Variants in DOCK9 observed in about 807,000 individuals in gnomAD.
The protein encoded by DOCK9 is dedicator of cytokinesis protein 9.
In DOCK9, 89 loss-of-function variants were observed where a neutral mutation model predicts 263.3. The ratio of observed to expected loss-of-function variants is 0.34; its 90% CI spans 0.28 to 0.40. DOCK9 has a LOEUF of 0.40. Among genes scored for constraint, DOCK9 ranks in the 10% least tolerant of loss-of-function variants. DOCK9 has a pLI of 1.00. For synonymous variants in DOCK9, 976 were observed against 973.1 expected (o/e 1.00, Z -0.06); for missense variants, 2,140 against 2,603.4 (o/e 0.82, Z 3.87).
chr13:98,930,348 T>A (rs760319217), intron 2 of DOCK9, 91 bp from the exon 3 acceptor site: 148 of 1,098,786 alleles, frequency 1.3e-4, no homozygotes, highest in Non-Finnish European at 2.0e-4. Flanking sequence ...CAGCTGGCCC[T>A]GGCAGCCACA....
At chr13:98,929,096 C>A (rs2053509878) in intron 3 of DOCK9, among the ~76,000 whole-genome samples, 1 of 151,108 alleles carries the variant, frequency 6.6e-6, no homozygotes, top group Non-Finnish European at 1.5e-5. Context: ...CTAGAAAAAC[C>A]AGGATTAAAA....
At position 98,873,036 on chromosome 13, in the gene DOCK9, C is replaced by T. The variant is rs147394943; in HGVS notation, c.2944-4659G>A. Among the ~76,000 whole-genome samples the T allele has an allele frequency of 3.3e-3, 504 of 152,292 alleles. 2 individuals are homozygous for T. The highest frequency in any genetic ancestry group is 0.011 in the African/African-American group (471 of 41,566). On this transcript the variant is annotated intron_variant, in intron 27 of 52. Coordinates refer to ENST00000682017, the MANE Select transcript of DOCK9 (RefSeq NM_001366683.2). ...CTGAGGAGGAGGCTTGAGGCCTCTC[C>T]AATGCCTTGCTCACCTCTCTTACTT...
intron 2 of DOCK9, among the ~76,000 whole-genome samples, chr13:98,944,270 G>A (rs36139930): frequency 0.2 from 30,556 of 151,158 alleles, 3,606 homozygotes; most frequent in African/African-American, 0.33. Context: ...TCATACGTGT[G>A]TGCTCTCTTT....
In DOCK9 at chr13:98,825,861, C is replaced by T. The variant is rs774326095; in HGVS notation, c.5023+969G>A. 2.0e-6 allele frequency: 3 copies of T among 1,517,722 alleles called. No homozygotes were observed. The highest frequency in any genetic ancestry group is 1.8e-6 in the Non-Finnish European group (2 of 1,129,144). 94.0% of individuals were successfully genotyped at this position (1,517,722 alleles called of 1,614,324 possible). ...GGGGTCCCCGGGGGCTGGGCTGATC[C>T]TCAGGCTCACCTCCCCGGCTCCTCC... On this transcript the variant is annotated intron_variant, in intron 44 of 52. Coordinates refer to ENST00000682017, the MANE Select transcript of DOCK9 (RefSeq NM_001366683.2). The surrounding 1 kb of genome is among the most constrained non-coding windows in gnomAD (Gnocchi z 4.1).
At chr13:99,086,160 C>G (rs1049127628) in intron 1 of DOCK9, 2 of 1,418,688 alleles carry the variant, frequency 1.4e-6, no homozygotes. Context: ...GCGCCCGGCC[C>G]GGGGCCCGCA....
chr13:98,896,628 ATC>A (rs1287549923), intron 15 of DOCK9, among the ~76,000 whole-genome samples: 2 of 152,146 alleles, frequency 1.3e-5, no homozygotes, highest in Non-Finnish European at 2.9e-5. Flanking sequence ...TCTAAGACCC[ATC>A]TCCCTAGCAA....
intron 1 of DOCK9, among the ~76,000 whole-genome samples, chr13:98,973,916 T>C (rs894025684): frequency 1.8e-4 from 28 of 152,158 alleles, no homozygotes; most frequent in African/African-American, 6.3e-4. Context: ...AAAAATACCT[T>C]ATGAGTACAC....
intron 3 of DOCK9, among the ~76,000 whole-genome samples, chr13:98,926,958 A>T (rs1287115878): frequency 1.3e-5 from 2 of 152,280 alleles, no homozygotes; most frequent in East Asian, 3.8e-4. Context: ...CCATGCCTGA[A>T]GGTCTTCTGA....
In DOCK9 at chr13:99,028,715, G is replaced by A. The variant is rs1005716456; in HGVS notation, c.129+57508C>T. 2.0e-5 allele frequency among the ~76,000 whole-genome samples: 3 copies of A among 152,264 alleles called. No individual in the cohort carries two copies. In the South Asian group the frequency reaches 6.2e-4, roughly 32 times the overall value. Reference sequence around the variant, plus strand: ...AGAAATTAACAAAGCCCAGCAACAGGTAATGTGACTACCTCCCAGAGATGG... The same window carrying A: ...AGAAATTAACAAAGCCCAGCAACAGATAATGTGACTACCTCCCAGAGATGG... On this transcript the variant is annotated intron_variant, in intron 1 of 32. Transcript: ENST00000427887.
chr13:98,969,498 C>T (rs555427997), intron 1 of DOCK9, among the ~76,000 whole-genome samples: 29 of 151,574 alleles, frequency 1.9e-4, no homozygotes, highest in Middle Eastern at 3.4e-3. Context: ...TATCAGACAT[C>T]GAATACAAAG....
intron 34 of DOCK9, 120 bp downstream of exon 34, chr13:98,855,778 C>T (rs553477309): frequency 2.4e-5 from 29 of 1,187,844 alleles, no homozygotes; most frequent in Non-Finnish European, 2.9e-5. Context: ...CCAGGTCAGC[C>T]GGGTGGTTTA....
At chr13:99,074,127 T>C (rs1299889633) in intron 1 of DOCK9, among the ~76,000 whole-genome samples, 3 of 152,406 alleles carry the variant, frequency 2.0e-5, no homozygotes, top group East Asian at 3.9e-4. Flanking sequence ...TTTTTATGCC[T>C]GCTGACGCAG....
chr13:98,909,648 C>CTT (rs2049696736), intron 9 of DOCK9, among the ~76,000 whole-genome samples: 1 of 152,166 alleles, frequency 6.6e-6, no homozygotes, highest in Admixed American at 6.5e-5. Context: ...ACAAAGGAGG[C>CTT]CCAGAAATGC....
chr13:98,915,333 G>GT lies in DOCK9; in HGVS notation c.887dup (p.His296GlnfsTer4). On this transcript the variant is annotated frameshift_variant, in exon 8 of 53. Transcript: ENST00000682017. LOFTEE classifies it high-confidence loss of function. ...GGGGAAGCCAAGCCTATCTACCTTC[G>GT]TGAGAGTCGCCATTTCGCTTTTCTT... The GT allele has an allele frequency of 6.2e-7, 1 of 1,613,432 alleles. No individual in the cohort carries two copies.
At chr13:98,893,104 A>G (rs1296726633) in intron 15 of DOCK9, among the ~76,000 whole-genome samples, 1 of 152,224 alleles carries the variant, frequency 6.6e-6, no homozygotes, top group Non-Finnish European at 1.5e-5. Flanking sequence ...TTGGGCAGAG[A>G]GAAAAGCATG....
rs1887793515 is a variant in DOCK9, at chr13:99,035,629, T to C, written c.129+50594A>G. Among the ~76,000 whole-genome samples the C allele has an allele frequency of 3.9e-5, 6 of 152,188 alleles. No individual in the cohort carries two copies. The South Asian group carries it at 1.2e-3, about 32-fold the overall frequency. On this transcript the variant is annotated intron_variant, in intron 1 of 32. Coordinates refer to the DOCK9 transcript ENST00000427887. ...GAAGGAGCCTGGGACCCCAAAATGG[T>C]AGAGTCATCAATCAACCCTGAACTG...
chr13:98,852,351 C>T (rs7321357), intron 35 of DOCK9, among the ~76,000 whole-genome samples: 21,323 of 151,804 alleles, frequency 0.14, 1,641 homozygotes, highest in South Asian at 0.22. Context: ...AACAGAAGAA[C>T]GAATTACCCA....
chr13:98,817,890 C>T (rs1293768032), intron 45 of DOCK9, among the ~76,000 whole-genome samples: 2 of 151,508 alleles, frequency 1.3e-5, no homozygotes, highest in Non-Finnish European at 2.9e-5. Flanking sequence ...TGAAATAAGT[C>T]TCACAATTTG....
chr13:98,837,684 C>A, intron 38 of DOCK9, 75 bp from the exon 39 acceptor site: 1 of 944,830 alleles, frequency 1.1e-6, no homozygotes, highest in South Asian at 1.7e-5. Context: ...TAGGCACAGT[C>A]AACTTTTGAT....
Sources: gnomAD v4.1 joint callset for allele counts (sites outside exome capture counted in the v4.1 genomes callset) on GRCh38, gnomAD v4.1.1 for gene constraint, Gnocchi (gnomAD v3.1) non-coding constraint, MANE v1.5 for transcripts, NCBI Gene and HGNC (gene_info 2026-07-23, HGNC 2026-07-21) for gene names.